The following DPYD variants were observed in gnomAD, a reference collection of about 807,000 sequenced individuals.
DPYD encodes the protein dihydropyrimidine dehydrogenase [NADP(+)].
DPYD carries 109 observed loss-of-function variants against 116.2 expected under a neutral mutation model. The ratio of observed to expected loss-of-function variants is 0.94; its 90% CI spans 0.80 to 1.10. DPYD has a LOEUF of 1.10. DPYD is among the 50% of genes least tolerant of loss of function. DPYD has a pLI of 0.00. For synonymous variants in DPYD, 440 were observed against 432.0 expected (o/e 1.02, Z -0.23); for missense variants, 1,302 against 1,254.5 (o/e 1.04, Z -0.57).
chr1:97,549,726 G>A lies in DPYD; in HGVS notation c.1358C>T (p.Pro453Leu). 6.2e-7 allele frequency: 1 copy of A among 1,613,564 alleles called. No individual in the cohort carries two copies. Among genetic ancestry groups the A allele is most frequent in the Non-Finnish European group, 8.5e-7 (1 of 1,179,762 alleles). Residue 453 changes from proline to leucine, a missense_variant, in exon 12 of 23, where the codon CCT (proline) becomes CTT (leucine). By Grantham distance (98) the Pro-to-Leu change is moderately conservative. Transcript: ENST00000370192. ...SDPKVKEALSPIKFNRWGLPE... is the reference protein window; with the variant it reads ...SDPKVKEALSLIKFNRWGLPE... Reference sequence around the variant, plus strand: ...GAGACCCCATCTGTTAAATTTTATAGGGCTCAAGGCTTCTTTTACTGAAAA... The same window carrying A: ...GAGACCCCATCTGTTAAATTTTATAAGGCTCAAGGCTTCTTTTACTGAAAA...
intron 1 of DPYD, among the ~76,000 whole-genome samples, chr1:97,903,693 A>G (rs1455937180): frequency 6.6e-6 from 1 of 151,858 alleles, no homozygotes; most frequent in African/African-American, 2.4e-5. Flanking sequence ...TTGTTTGGTA[A>G]TTTTAAATTA....
intron 4 of DPYD, among the ~76,000 whole-genome samples, chr1:97,729,672 G>T (rs1450449949): frequency 6.6e-6 from 1 of 151,838 alleles, no homozygotes; most frequent in Non-Finnish European, 1.5e-5. Context: ...TATGAATGGT[G>T]GTAAATTTTT....
intron 2 of DPYD, among the ~76,000 whole-genome samples, chr1:97,879,862 A>C (rs1195130835): frequency 1.3e-5 from 2 of 151,854 alleles, no homozygotes; most frequent in Non-Finnish European, 1.5e-5. Context: ...GCCTGAAATA[A>C]GATGCTTCGA....
At chr1:97,809,533 T>C (rs928950616) in intron 3 of DPYD, among the ~76,000 whole-genome samples, 4 of 152,122 alleles carry the variant, frequency 2.6e-5, no homozygotes, top group South Asian at 2.1e-4. Context: ...TAGTTTCCGA[T>C]TGACTGAGTG....
At chr1:97,244,839 G>A (rs929654257) in intron 18 of DPYD, among the ~76,000 whole-genome samples, 6 of 152,062 alleles carry the variant, frequency 3.9e-5, no homozygotes, top group Non-Finnish European at 7.4e-5. Flanking sequence ...GTTTTACATC[G>A]CAGCTAGTAT....
At chr1:97,448,469 G>A (rs1024355313) in intron 14 of DPYD, among the ~76,000 whole-genome samples, 4 of 152,088 alleles carry the variant, frequency 2.6e-5, no homozygotes, top group Non-Finnish European at 5.9e-5. Flanking sequence ...TAAAACTTTT[G>A]TAACTGTGCC....
At chr1:97,216,077 C>T (rs995202682) in intron 19 of DPYD, among the ~76,000 whole-genome samples, 6 of 152,036 alleles carry the variant, frequency 3.9e-5, no homozygotes, top group Admixed American at 6.5e-5. Context: ...ATTGCTTTTT[C>T]CATAATGCAT....
At chr1:97,441,016 T>C (rs1675764450) in intron 14 of DPYD, among the ~76,000 whole-genome samples, 2 of 152,240 alleles carry the variant, frequency 1.3e-5, no homozygotes, top group South Asian at 4.1e-4. Flanking sequence ...CTCTGTCTCA[T>C]AGCTTAGATT....
At chr1:97,130,285 A>G (rs1423596842) in intron 20 of DPYD, among the ~76,000 whole-genome samples, 1 of 152,218 alleles carries the variant, frequency 6.6e-6, no homozygotes, top group Non-Finnish European at 1.5e-5. Flanking sequence ...ATGCTACATT[A>G]TGGAACCTGT....
chr1:97,277,864 G>A (rs1466874492), intron 18 of DPYD, among the ~76,000 whole-genome samples: 1 of 152,138 alleles, frequency 6.6e-6, no homozygotes. Context: ...CAAAATCCAT[G>A]CAGGGCCTAC....
chr1:97,089,702 C>CTATTATGCATTG (rs150119324), intron 21 of DPYD, among the ~76,000 whole-genome samples: 21,697 of 151,860 alleles, frequency 0.14, 1,697 homozygotes, highest in Non-Finnish European at 0.17. Flanking sequence ...AAATGCTATG[C>CTATTATGCATTG]TATTATGCAT....
chr1:97,398,975 CTT>C (rs893824379), intron 14 of DPYD, among the ~76,000 whole-genome samples: 2 of 152,080 alleles, frequency 1.3e-5, no homozygotes, highest in African/African-American at 4.8e-5. Context: ...TCAATTTTGT[CTT>C]TTGTTGCCAT....
intron 1 of DPYD, among the ~76,000 whole-genome samples, chr1:97,916,542 G>C (rs1473147843): frequency 6.6e-6 from 1 of 152,116 alleles, no homozygotes; most frequent in Non-Finnish European, 1.5e-5. Context: ...TTTTCTTCTA[G>C]AATGTAACAA....
intron 13 of DPYD, among the ~76,000 whole-genome samples, chr1:97,483,793 C>T (rs1451490182): frequency 6.6e-6 from 1 of 152,062 alleles, no homozygotes; most frequent in Non-Finnish European, 1.5e-5. Context: ...GCCTGCCCTT[C>T]TCTCTTCTGC....
At chr1:97,467,209 A>G (rs1055544916) in intron 13 of DPYD, among the ~76,000 whole-genome samples, 17 of 152,214 alleles carry the variant, frequency 1.1e-4, no homozygotes, top group African/African-American at 3.9e-4. Context: ...CAGGCCTCAG[A>G]TAAGGGAGAA....
chr1:97,317,962 T>A (rs972332621), intron 16 of DPYD, among the ~76,000 whole-genome samples: 38 of 151,826 alleles, frequency 2.5e-4, no homozygotes, highest in Non-Finnish European at 2.9e-5. Flanking sequence ...AACCCAGAAT[T>A]TCATATCCAG....
Position 97,689,769 on chromosome 1 carries a change from C to T in DPYD, c.762+1948G>A, listed in dbSNP as rs541782024. ...TTTGTCAAAATGTACCCACTTATGG[C>T]TAAAGTTCGTAAATCATAAAAGCTG... On this transcript the variant is annotated intron_variant, in intron 7 of 22. Transcript: ENST00000370192. Among the ~76,000 whole-genome samples, 3 of 152,102 alleles carry T rather than the reference C, an allele frequency of 2.0e-5. No individual in the cohort carries two copies. In the South Asian group the frequency reaches 6.2e-4, roughly 32 times the overall value.
At chr1:97,369,974 T>G (rs551251488) in intron 16 of DPYD, among the ~76,000 whole-genome samples, 1 of 152,314 alleles carries the variant, frequency 6.6e-6, no homozygotes, top group African/African-American at 2.4e-5. Flanking sequence ...GCTAAAGAAA[T>G]GTTAGTGTTT....
At chr1:97,491,825 A>G (rs1286897831) in intron 13 of DPYD, among the ~76,000 whole-genome samples, 1 of 152,126 alleles carries the variant, frequency 6.6e-6, no homozygotes, top group Non-Finnish European at 1.5e-5. Context: ...ACGGTTTTGC[A>G]CCATCATATT....
Sources: gnomAD v4.1 joint callset for allele counts (sites outside exome capture counted in the v4.1 genomes callset) on GRCh38, gnomAD v4.1.1 for gene constraint, MANE v1.5 for transcripts, NCBI Gene and HGNC (gene_info 2026-07-23, HGNC 2026-07-21) for gene names.